The following MEF2A variants were observed in gnomAD, a reference collection of about 807,000 sequenced individuals.
MEF2A encodes myocyte enhancer factor 2A.
In MEF2A, 28 loss-of-function variants were observed where a neutral mutation model predicts 55.8. The observed-to-expected ratio is 0.50, with a 90% CI of 0.37 to 0.69. MEF2A has a LOEUF of 0.69. MEF2A is among the 30% of genes least tolerant of loss of function. MEF2A has a pLI of 0.00. For synonymous variants in MEF2A, 239 were observed against 227.1 expected (o/e 1.05, Z -0.47); for missense variants, 528 against 626.2 (o/e 0.84, Z 1.67).
At chr15:99,608,661 G>A (rs1423373932) in intron 2 of MEF2A, among the ~76,000 whole-genome samples, 1 of 152,190 alleles carries the variant, frequency 6.6e-6, no homozygotes, top group Non-Finnish European at 1.5e-5. Context: ...CATTTTGGGA[G>A]GCCGAGGTGG....
At chr15:99,665,314 G>C (rs1306221635) in intron 4 of MEF2A, among the ~76,000 whole-genome samples, 4 of 152,060 alleles carry the variant, frequency 2.6e-5, no homozygotes, top group African/African-American at 4.8e-5. Context: ...GCAGTAGATA[G>C]AAAGAAAAAC....
chr15:99,660,625 T>A (rs1408286389), intron 4 of MEF2A, among the ~76,000 whole-genome samples: 2 of 152,202 alleles, frequency 1.3e-5, no homozygotes, highest in Admixed American at 6.5e-5. Flanking sequence ...GGGCTTTGTA[T>A]GAATAAGAAA....
chr15:99,656,834 G>C (rs1218616738), intron 4 of MEF2A, among the ~76,000 whole-genome samples: 1 of 152,082 alleles, frequency 6.6e-6, no homozygotes, highest in Non-Finnish European at 1.5e-5. Context: ...AAATTCACCA[G>C]TGTAGATTAT....
intron 1 of MEF2A, among the ~76,000 whole-genome samples, chr15:99,574,209 C>T (rs1299712946): frequency 6.6e-6 from 1 of 152,082 alleles, no homozygotes; most frequent in Non-Finnish European, 1.5e-5. Context: ...AGAGTGGGTA[C>T]AAAGTCTGGA....
chr15:99,690,189 A>G, intron 7 of MEF2A, 52 bp from the exon 8 acceptor site: 2 of 1,546,928 alleles, frequency 1.3e-6, no homozygotes, highest in Non-Finnish European at 1.8e-6. Context: ...TGTTTGTGCC[A>G]AAGTATTTTA....
chr15:99,639,712 T>C (rs915978823), intron 3 of MEF2A, among the ~76,000 whole-genome samples: 4 of 152,218 alleles, frequency 2.6e-5, no homozygotes, highest in African/African-American at 9.6e-5. Flanking sequence ...TATTTGCCCA[T>C]ATACTTTGCC....
At position 99,675,438 on chromosome 15, in the gene MEF2A, G is replaced by A. The variant is rs754420352; in HGVS notation, c.650G>A (p.Gly217Glu). 1 of 1,613,944 alleles carries A rather than the reference G, an allele frequency of 6.2e-7. No individual in the cohort carries two copies. Among genetic ancestry groups the A allele is most frequent in the Non-Finnish European group, 8.5e-7 (1 of 1,179,846 alleles). Residue 217 changes from glycine to glutamate, a missense_variant, in exon 7 of 12, where the codon GGA becomes GAA. Physicochemically the swap from Gly to Glu is moderately conservative, Grantham distance 98 (BLOSUM62 -2). This residue lies in a region of MEF2A where 450 missense variants were observed against 475.3 expected (regional missense o/e 0.95). Coordinates refer to ENST00000557942, the MANE Select transcript of MEF2A (RefSeq NM_001319206.4). ...LSTTDLTVPNGAGSSPVGNGF... is the reference protein window; with the variant it reads ...LSTTDLTVPNEAGSSPVGNGF... ...ACTACAGACCTCACAGTGCCAAATGGAGCTGGAAGCAGTCCAGTGGGTGAG... is the reference window on the plus strand; with the variant it reads ...ACTACAGACCTCACAGTGCCAAATGAAGCTGGAAGCAGTCCAGTGGGTGAG...
At chr15:99,571,993 TTTC>T (rs1424957730) in intron 1 of MEF2A, among the ~76,000 whole-genome samples, 1 of 150,768 alleles carries the variant, frequency 6.6e-6, no homozygotes, top group Non-Finnish European at 1.5e-5. Flanking sequence ...GCTGCTTCTT[TTTC>T]TTCTTGCTCC....
chr15:99,610,145 C>CA (rs1288736292), intron 2 of MEF2A, among the ~76,000 whole-genome samples: 2 of 151,816 alleles, frequency 1.3e-5, no homozygotes, highest in African/African-American at 4.8e-5. Context: ...TGGCAGTGAA[C>CA]AATCCAAAAA....
intron 3 of MEF2A, among the ~76,000 whole-genome samples, chr15:99,641,136 C>G (rs1191647783): frequency 6.6e-6 from 1 of 152,108 alleles, no homozygotes; most frequent in Admixed American, 6.5e-5. Flanking sequence ...CCACACAGAG[C>G]CCCCCAGGGA....
intron 7 of MEF2A, among the ~76,000 whole-genome samples, chr15:99,678,142 C>T (rs2052482590): frequency 6.6e-6 from 1 of 152,092 alleles, no homozygotes; most frequent in Admixed American, 6.5e-5. Flanking sequence ...TTTCTAATTT[C>T]CATTATATCT....
chr15:99,669,326 C>A (rs2153616442), intron 4 of MEF2A, among the ~76,000 whole-genome samples: 1 of 152,304 alleles, frequency 6.6e-6, no homozygotes, highest in East Asian at 1.9e-4. Context: ...TGTGTGTAGG[C>A]ACCTACTATA....
chr15:99,667,261 G>A (rs1167279833), intron 4 of MEF2A, among the ~76,000 whole-genome samples: 3 of 151,892 alleles, frequency 2.0e-5, no homozygotes, highest in East Asian at 1.9e-4. Flanking sequence ...TTGCTCTGTC[G>A]CCCAGGCTGG....
At chr15:99,608,335 A>T (rs1975869706) in intron 2 of MEF2A, among the ~76,000 whole-genome samples, 1 of 152,198 alleles carries the variant, frequency 6.6e-6, no homozygotes. Flanking sequence ...ATATTTCACT[A>T]ATAGTAACAG....
At chr15:99,600,017 A>G (rs188753673) in intron 2 of MEF2A, among the ~76,000 whole-genome samples, 3 of 152,256 alleles carry the variant, frequency 2.0e-5, no homozygotes, top group African/African-American at 4.8e-5. Context: ...TTTGGTATCC[A>G]TGGAGGATCC....
intron 4 of MEF2A, among the ~76,000 whole-genome samples, chr15:99,660,282 A>G (rs1454981970): frequency 6.6e-6 from 1 of 151,988 alleles, no homozygotes; most frequent in Non-Finnish European, 1.5e-5. Flanking sequence ...GCTCACCCCG[A>G]CCTCCGCCTG....
Position 99,710,661 on chromosome 15 carries a change from C to T in MEF2A, c.1037C>T (p.Ser346Leu). 1 of 1,613,626 alleles carries T rather than the reference C, an allele frequency of 6.2e-7. No homozygotes were observed. The highest frequency in any genetic ancestry group is 8.5e-7 in the Non-Finnish European group (1 of 1,179,554). The change falls in exon 11 of 12, where the codon TCA (serine) becomes TTA (leucine). Residue 346 changes from serine (S) to leucine (L), a missense_variant. By Grantham distance (145) the Ser-to-Leu change is moderately radical. Coordinates refer to ENST00000557942, the MANE Select transcript of MEF2A (RefSeq NM_001319206.4). ...TDYSLTSADL[S>L]ALQGFNSPGM... ...TATTCACTGACCAGCGCTGACCTGT[C>T]AGCCCTTCAAGGCTTCAACTCGCCA...
intron 7 of MEF2A, among the ~76,000 whole-genome samples, chr15:99,679,415 A>ACTGTGT (rs1409441881): frequency 2.6e-5 from 4 of 152,276 alleles, no homozygotes; most frequent in East Asian, 3.8e-4. Context: ...GCAGTTCTCA[A>ACTGTGT]CATGGATGAA....
At chr15:99,601,888 A>G (rs1973213971) in intron 2 of MEF2A, among the ~76,000 whole-genome samples, 1 of 150,294 alleles carries the variant, frequency 6.7e-6, no homozygotes, top group Admixed American at 6.7e-5. Flanking sequence ...GAATGAGTTA[A>G]AATTTCTTGT....
Sources: gnomAD v4.1 joint callset for allele counts (sites outside exome capture counted in the v4.1 genomes callset) on GRCh38, gnomAD v4.1.1 for gene constraint, gnomAD v4.1.1 regional missense constraint, MANE v1.5 for transcripts, NCBI Gene and HGNC (gene_info 2026-07-23, HGNC 2026-07-21) for gene names.